Variants in NCEH1 observed in about 807,000 individuals in gnomAD.
The protein encoded by NCEH1 is neutral cholesterol ester hydrolase 1.
In NCEH1, 9 loss-of-function variants were observed where a neutral mutation model predicts 25.4. The observed-to-expected ratio is 0.35, with a 90% CI of 0.21 to 0.62. The LOEUF (loss-of-function observed/expected upper bound fraction) is 0.62, where lower values mean the gene tolerates loss of function less well. NCEH1 is among the 20% of genes least tolerant of loss of function. The probability of loss-of-function intolerance (pLI) is 0.72; values close to 1 mark genes in which losing one functional copy is unlikely to be tolerated. For missense variants in NCEH1, 412 were observed against 501.1 expected (o/e 0.82, Z 1.70); for synonymous variants, 200 against 199.8 (o/e 1.00, Z -0.01).
chr3:172,661,443 T>C (rs990078766), intron 1 of NCEH1, among the ~76,000 whole-genome samples: 4 of 152,222 alleles, frequency 2.6e-5, no homozygotes, highest in Non-Finnish European at 4.4e-5. Context: ...CTTAGGATTG[T>C]CTTGGCAATG....
intron 1 of NCEH1, among the ~76,000 whole-genome samples, chr3:172,651,024 C>A (rs1008903234): frequency 6.6e-6 from 1 of 151,926 alleles, no homozygotes; most frequent in Non-Finnish European, 1.5e-5. Flanking sequence ...TGAACAGTAA[C>A]CTGTTGTTAA....
At chr3:172,671,484 C>T (rs750680458) in intron 1 of NCEH1, among the ~76,000 whole-genome samples, 3 of 148,562 alleles carry the variant, frequency 2.0e-5, no homozygotes, top group Non-Finnish European at 4.4e-5. Flanking sequence ...AGCACAAAAC[C>T]GCTGCTACAC....
At chr3:172,641,649 C>T (rs1716859040) in intron 3 of NCEH1, among the ~76,000 whole-genome samples, 1 of 152,234 alleles carries the variant, frequency 6.6e-6, no homozygotes, top group Non-Finnish European at 1.5e-5. Flanking sequence ...AAGCGTCCAC[C>T]ATCCTCCTAA....
At chr3:172,642,617 A>AG (rs1019337066) in intron 3 of NCEH1, among the ~76,000 whole-genome samples, 6 of 151,658 alleles carry the variant, frequency 4.0e-5, no homozygotes, top group East Asian at 1.9e-4. Flanking sequence ...AAAAAAAAAA[A>AG]AAAAAAAGAA....
intron 1 of NCEH1, among the ~76,000 whole-genome samples, chr3:172,671,990 T>C (rs1711662748): frequency 6.6e-6 from 1 of 152,236 alleles, no homozygotes; most frequent in South Asian, 2.1e-4. Flanking sequence ...TGCATAGTAA[T>C]GTCCTAGGCC....
At chr3:172,647,149 A>G (rs998521138) in intron 2 of NCEH1, among the ~76,000 whole-genome samples, 2 of 152,194 alleles carry the variant, frequency 1.3e-5, no homozygotes, top group African/African-American at 4.8e-5. Context: ...TAAAAAAAAC[A>G]AGTTGCCATT....
intron 1 of NCEH1, among the ~76,000 whole-genome samples, chr3:172,671,116 TA>T (rs1457543558): frequency 6.8e-6 from 1 of 147,776 alleles, no homozygotes; most frequent in East Asian, 2.0e-4. Context: ...GTGACAATAT[TA>T]AATTCAATCT....
intron 4 of NCEH1, 29 bp from the exon 5 acceptor site, chr3:172,634,121 T>C: frequency 6.3e-7 from 1 of 1,590,810 alleles, no homozygotes; most frequent in Non-Finnish European, 8.5e-7. Context: ...ATACATTATT[T>C]CATTTTGCAT....
At chr3:172,648,687 A>G (rs1717250047) in intron 1 of NCEH1, among the ~76,000 whole-genome samples, 1 of 152,130 alleles carries the variant, frequency 6.6e-6, no homozygotes, top group South Asian at 2.1e-4. Flanking sequence ...GAAAAAAGAA[A>G]CATTGTCAAG....
intron 4 of NCEH1, among the ~76,000 whole-genome samples, chr3:172,635,419 A>T (rs548269208): frequency 6.6e-6 from 1 of 152,310 alleles, no homozygotes; most frequent in African/African-American, 2.4e-5. Context: ...CAAAGAATTA[A>T]ACCAGGTAAA....
At chr3:172,672,434 A>C (rs1711691334) in intron 1 of NCEH1, among the ~76,000 whole-genome samples, 1 of 152,176 alleles carries the variant, frequency 6.6e-6, no homozygotes, top group Admixed American at 6.5e-5. Context: ...CAATTACTCT[A>C]AACTGTCTAT....
At chr3:172,688,286 C>T (rs991729630) in intron 1 of NCEH1, among the ~76,000 whole-genome samples, 18 of 134,386 alleles carry the variant, frequency 1.3e-4, no homozygotes, top group Non-Finnish European at 2.7e-4. Context: ...GCCGAGATCA[C>T]GTCACTGCAC....
intron 1 of NCEH1, among the ~76,000 whole-genome samples, chr3:172,687,355 C>A (rs768632228): frequency 8.5e-5 from 13 of 152,270 alleles, no homozygotes; most frequent in Non-Finnish European, 1.6e-4. Context: ...GTACTGACGG[C>A]CTCCTAACGT....
At chr3:172,680,693 A>C (rs1456064946) in intron 1 of NCEH1, 1 of 151,068 alleles carries the variant, frequency 6.6e-6, no homozygotes. Flanking sequence ...CAGCCACTCT[A>C]CACCCTTGCA....
chr3:172,678,309 A>G (rs1463824233), intron 1 of NCEH1, among the ~76,000 whole-genome samples: 3 of 152,198 alleles, frequency 2.0e-5, no homozygotes, highest in African/African-American at 7.2e-5. Flanking sequence ...AAGTTAATGC[A>G]GCTCAGTCCC....
At chr3:172,647,596 A>G (rs1717179830) in intron 2 of NCEH1, among the ~76,000 whole-genome samples, 1 of 152,218 alleles carries the variant, frequency 6.6e-6, no homozygotes, top group Admixed American at 6.5e-5. Context: ...TGTGATTTAG[A>G]TCATAGGAAA....
At chr3:172,676,689 A>G (rs1489862443) in intron 1 of NCEH1, among the ~76,000 whole-genome samples, 1 of 151,768 alleles carries the variant, frequency 6.6e-6, no homozygotes, top group Admixed American at 6.6e-5. Flanking sequence ...CGCTCCTTAA[A>G]ACTACTCCAC....
At chr3:172,707,584 T>A (rs192805781) in intron 1 of NCEH1, among the ~76,000 whole-genome samples, 111 of 152,232 alleles carry the variant, frequency 7.3e-4, no homozygotes, top group African/African-American at 2.6e-3. Flanking sequence ...GTTTTTTATT[T>A]TTATTATTAT....
intron 1 of NCEH1, among the ~76,000 whole-genome samples, chr3:172,687,071 G>A (rs1025415466): frequency 4.6e-5 from 7 of 152,150 alleles, no homozygotes; most frequent in African/African-American, 1.7e-4. Context: ...ATTAAAGGGT[G>A]GGTGACAGAA....
Sources: gnomAD v4.1 joint callset for allele counts (sites outside exome capture counted in the v4.1 genomes callset) on GRCh38, gnomAD v4.1.1 for gene constraint, MANE v1.5 for transcripts, NCBI Gene and HGNC (gene_info 2026-07-23, HGNC 2026-07-21) for gene names.